HIBADH: variants seen among roughly 807,000 people sequenced by gnomAD.
HIBADH encodes the protein 3-hydroxyisobutyrate dehydrogenase, mitochondrial.
HIBADH carries 25 observed loss-of-function variants against 36.1 expected under a neutral mutation model. The observed-to-expected ratio is 0.69, with a 90% CI of 0.50 to 0.97. HIBADH has a LOEUF of 0.97. Among genes scored for constraint, HIBADH ranks in the 50% least tolerant of loss-of-function variants. HIBADH has a pLI of 0.00. For missense variants in HIBADH, 421 were observed against 418.0 expected (o/e 1.01, Z -0.06); for synonymous variants, 160 against 149.5 (o/e 1.07, Z -0.51).
chr7:27,609,247 A>G (rs1785283451), intron 4 of HIBADH, among the ~76,000 whole-genome samples: 1 of 152,182 alleles, frequency 6.6e-6, no homozygotes, highest in Admixed American at 6.5e-5. Flanking sequence ...TTGGGCAGTG[A>G]GTCACCAGTC....
chr7:27,645,532 C>T (rs1269737430), intron 2 of HIBADH, among the ~76,000 whole-genome samples: 2 of 151,816 alleles, frequency 1.3e-5, no homozygotes, highest in African/African-American at 4.8e-5. Flanking sequence ...GTGCACACCA[C>T]CACACTTGGC....
At chr7:27,611,500 A>G (rs532199552) in intron 4 of HIBADH, among the ~76,000 whole-genome samples, 10 of 120,944 alleles carry the variant, frequency 8.3e-5, no homozygotes, top group East Asian at 3.3e-3. Flanking sequence ...GTGTGCGCGC[A>G]CACACACACA....
chr7:27,577,666 A>G (rs565963569), intron 4 of HIBADH, among the ~76,000 whole-genome samples: 1 of 152,316 alleles, frequency 6.6e-6, no homozygotes, highest in South Asian at 2.1e-4. Flanking sequence ...GTGTGTTATT[A>G]AAAGGATTAT....
chr7:27,661,270 G>C (rs972806126), intron 1 of HIBADH, among the ~76,000 whole-genome samples: 4 of 152,134 alleles, frequency 2.6e-5, no homozygotes, highest in Non-Finnish European at 4.4e-5. Context: ...CACTGAGGGG[G>C]AGAATGGGAA....
rs1372555962 is a variant in HIBADH, at chr7:27,597,458, AAC to A, written c.484+31911_484+31912del. On this transcript the variant is annotated intron_variant, in intron 4 of 7. Transcript: ENST00000265395. ...CCCATAGACTCAGTAAAAAAAAAAA[AAC>A]AATCATGATGCTCGGAGTCAATAAT... Among the ~76,000 whole-genome samples, 719 of 152,186 alleles carry A rather than the reference AAC, an allele frequency of 4.7e-3. 5 individuals carry two copies. The highest frequency in any genetic ancestry group is 0.017 in the African/African-American group (692 of 41,524).
intron 5 of HIBADH, 143 bp from the exon 6 acceptor site, chr7:27,538,560 T>A: frequency 1.5e-6 from 1 of 687,700 alleles, no homozygotes; most frequent in Non-Finnish European, 2.6e-6. Context: ...GAAGAGAACC[T>A]GATGCAGCAT....
intron 5 of HIBADH, 129 bp downstream of exon 5, chr7:27,542,838 A>C (rs1784175503): frequency 9.6e-7 from 1 of 1,047,046 alleles, no homozygotes; most frequent in South Asian, 1.8e-5. Context: ...ATTCCAAATA[A>C]ATGTTTTAAA....
chr7:27,597,800 G>A (rs1785056123), intron 4 of HIBADH, among the ~76,000 whole-genome samples: 1 of 152,130 alleles, frequency 6.6e-6, no homozygotes, highest in African/African-American at 2.4e-5. Context: ...AATTTGAAGA[G>A]GGCGTTTCAG....
chr7:27,613,058 TAATTTA>T (rs1562643557), intron 4 of HIBADH, among the ~76,000 whole-genome samples: 19 of 134,660 alleles, frequency 1.4e-4, no homozygotes, highest in Admixed American at 5.8e-4. Flanking sequence ...ATATATAATA[TAATTTA>T]TATATATTAC....
At chr7:27,581,612 T>C (rs1212127689) in intron 4 of HIBADH, among the ~76,000 whole-genome samples, 1 of 152,180 alleles carries the variant, frequency 6.6e-6, no homozygotes, top group Non-Finnish European at 1.5e-5. Flanking sequence ...ATACAACATA[T>C]TTCGATAAAT....
At chr7:27,548,558 G>C (rs1284072685) in intron 4 of HIBADH, among the ~76,000 whole-genome samples, 1 of 152,170 alleles carries the variant, frequency 6.6e-6, no homozygotes, top group African/African-American at 2.4e-5. Context: ...CAACTTGCTA[G>C]ATCTCTGTGC....
At chr7:27,622,984 C>T (rs1461263214) in intron 4 of HIBADH, among the ~76,000 whole-genome samples, 1 of 152,104 alleles carries the variant, frequency 6.6e-6, no homozygotes, top group African/African-American at 2.4e-5. Context: ...GGCCTATATA[C>T]CTGATGAACA....
chr7:27,633,107 G>T (rs12700826), intron 2 of HIBADH, among the ~76,000 whole-genome samples: 108,572 of 152,042 alleles, frequency 0.71, 38,904 homozygotes, highest in East Asian at 0.94. Context: ...AAAGATATAT[G>T]AATAGGCATC....
At chr7:27,594,327 G>A (rs1270164151) in intron 4 of HIBADH, among the ~76,000 whole-genome samples, 1 of 151,830 alleles carries the variant, frequency 6.6e-6, no homozygotes, top group Non-Finnish European at 1.5e-5. Context: ...ATTTTTAGTA[G>A]AGACGAGGTT....
chr7:27,610,893 T>C (rs181655227), intron 4 of HIBADH, among the ~76,000 whole-genome samples: 60 of 152,274 alleles, frequency 3.9e-4, no homozygotes, highest in African/African-American at 1.3e-3. Flanking sequence ...GGAAAAACAG[T>C]AGGTATCCAG....
At chr7:27,577,695 A>C (rs959099505) in intron 4 of HIBADH, among the ~76,000 whole-genome samples, 1 of 152,144 alleles carries the variant, frequency 6.6e-6, no homozygotes, top group Non-Finnish European at 1.5e-5. Flanking sequence ...TCATCCCCCC[A>C]AATCAGTCAA....
intron 5 of HIBADH, among the ~76,000 whole-genome samples, chr7:27,539,868 AC>A (rs1161951357): frequency 6.6e-6 from 1 of 152,332 alleles, no homozygotes; most frequent in East Asian, 1.9e-4. Context: ...AAAAAATGTT[AC>A]TAAGGGAATC....
intron 4 of HIBADH, among the ~76,000 whole-genome samples, chr7:27,586,966 G>A (rs935683463): frequency 2.0e-5 from 3 of 152,212 alleles, no homozygotes; most frequent in African/African-American, 4.8e-5. Context: ...GGGCGGTGCC[G>A]TCCATGCTGC....
chr7:27,656,279 C>T (rs1786302197), intron 1 of HIBADH, among the ~76,000 whole-genome samples: 1 of 152,124 alleles, frequency 6.6e-6, no homozygotes, highest in Non-Finnish European at 1.5e-5. Context: ...TTCTGAACAA[C>T]ACAAAGATAT....
Sources: gnomAD v4.1 joint callset for allele counts (sites outside exome capture counted in the v4.1 genomes callset) on GRCh38, gnomAD v4.1.1 for gene constraint, MANE v1.5 for transcripts, NCBI Gene and HGNC (gene_info 2026-07-23, HGNC 2026-07-21) for gene names.